Variants in UMAD1 observed in about 807,000 individuals in gnomAD.
The protein encoded by UMAD1 is UBAP1-MVB12-associated (UMA)-domain containing protein 1.
UMAD1 carries 8 observed loss-of-function variants against 6.1 expected under a neutral mutation model. The observed-to-expected ratio is 1.30, with a 90% CI of 0.76 to 2.35. The LOEUF (loss-of-function observed/expected upper bound fraction) is 2.35, where lower values mean the gene tolerates loss of function less well. UMAD1 is among the 30% of genes most tolerant of loss of function. The pLI, the probability that UMAD1 is intolerant of heterozygous loss-of-function variation, is 0.00. For missense variants in UMAD1, 130 were observed against 78.4 expected (o/e 1.66, Z -2.49); for synonymous variants, 56 against 31.4 (o/e 1.78, Z -2.61).
At chr7:7,741,985 T>G (rs1049547261) in intron 2 of UMAD1, 8 of 278,184 alleles carry the variant, frequency 2.9e-5, no homozygotes, top group Non-Finnish European at 5.6e-5. Context: ...CAACTGCCTC[T>G]GAAAAATTTT....
chr7:7,841,963 T>C (rs1783689646), intron 3 of UMAD1, among the ~76,000 whole-genome samples: 1 of 152,324 alleles, frequency 6.6e-6, no homozygotes, highest in East Asian at 1.9e-4. Flanking sequence ...TACACTTTTC[T>C]CCATGGCCCT....
chr7:7,783,225 C>G (rs1782386650), intron 2 of UMAD1, among the ~76,000 whole-genome samples: 1 of 152,168 alleles, frequency 6.6e-6, no homozygotes, highest in Non-Finnish European at 1.5e-5. Context: ...TAGGTCAGAT[C>G]AATTACAGAT....
At chr7:7,868,537 G>C (rs2115338512) in intron 3 of UMAD1, 1 of 148,548 alleles carries the variant, frequency 6.7e-6, no homozygotes, top group African/African-American at 2.5e-5. Flanking sequence ...CAAGCAGGTA[G>C]AAATATTGAA....
chr7:7,877,872 C>T lies in UMAD1; in HGVS notation c.*334C>T. 3 of 247,070 alleles carry T rather than the reference C, an allele frequency of 1.2e-5. No individual in the cohort carries two copies. In the South Asian group the frequency reaches 1.8e-4, roughly 15 times the overall value. 15.3% of individuals were successfully genotyped at this position (247,070 alleles called of 1,614,324 possible). On this transcript the variant is annotated 3_prime_UTR_variant, in exon 4 of 4. Coordinates refer to ENST00000682710, the MANE Select transcript of UMAD1 (RefSeq NM_001302348.2). ...TGTGAAAAAGAATTGTGGCATTTTT[C>T]AGTCACTACAGCTCCGAAGTCTGAG...
At chr7:7,672,610 G>A (rs867688170) in intron 1 of UMAD1, among the ~76,000 whole-genome samples, 1 of 152,174 alleles carries the variant, frequency 6.6e-6, no homozygotes, top group Non-Finnish European at 1.5e-5. Flanking sequence ...TAGTGAGTGA[G>A]TTCTCATGAG....
chr7:7,856,124 CA>C (rs761626683), intron 3 of UMAD1, among the ~76,000 whole-genome samples: 5 of 152,212 alleles, frequency 3.3e-5, no homozygotes, highest in Non-Finnish European at 7.3e-5. Context: ...CTGAGTCCTC[CA>C]AACTGTTCCA....
chr7:7,785,014 A>G (rs1345569355), intron 2 of UMAD1, among the ~76,000 whole-genome samples: 1 of 151,996 alleles, frequency 6.6e-6, no homozygotes, highest in East Asian at 1.9e-4. Context: ...TGTGTTGGAG[A>G]TTTCGTGGCA....
At chr7:7,717,060 CTT>C (rs766644906) in intron 2 of UMAD1, among the ~76,000 whole-genome samples, 10 of 141,580 alleles carry the variant, frequency 7.1e-5, no homozygotes, top group Admixed American at 7.0e-5. Context: ...TTCTTTTTTT[CTT>C]TTTTTTTTTT....
chr7:7,873,992 G>A (rs917576660), intron 3 of UMAD1, among the ~76,000 whole-genome samples: 1 of 152,046 alleles, frequency 6.6e-6, no homozygotes, highest in Non-Finnish European at 1.5e-5. Flanking sequence ...CCTACTAACA[G>A]CTCCACCTGA....
rs941177073 is a variant in UMAD1, at chr7:7,796,759, C to T, written c.83-4911C>T. Among the ~76,000 whole-genome samples the T allele has an allele frequency of 1.3e-5, 2 of 152,116 alleles. 1 individual carries two copies. Among genetic ancestry groups the T allele is most frequent in the South Asian group, 4.1e-4 (2 of 4,820 alleles). ...CAGTTTAAAGACCCCCACAGAGGAA[C>T]CAAATCAGCAAGAGAATACCGTTTC... On this transcript the variant is annotated intron_variant, in intron 2 of 3. Coordinates refer to ENST00000682710, the MANE Select transcript of UMAD1 (RefSeq NM_001302348.2).
intron 2 of UMAD1, among the ~76,000 whole-genome samples, chr7:7,757,890 G>A (rs145217487): frequency 6.9e-4 from 105 of 152,226 alleles, no homozygotes; most frequent in African/African-American, 2.4e-3. Flanking sequence ...GCCGCAGCAG[G>A]GTTCTGTGTT....
intron 2 of UMAD1, among the ~76,000 whole-genome samples, chr7:7,677,710 G>T: frequency 8.7e-6 from 1 of 114,864 alleles, no homozygotes; most frequent in Admixed American, 1.2e-4. Flanking sequence ...GTCTCGCTCT[G>T]TCGCCCAGGC....
intron 3 of UMAD1, among the ~76,000 whole-genome samples, chr7:7,810,274 C>G (rs1203720216): frequency 6.6e-6 from 1 of 151,990 alleles, no homozygotes; most frequent in Non-Finnish European, 1.5e-5. Flanking sequence ...ATTGGTACAA[C>G]TATTCTTGGA....
At chr7:7,875,534 A>C (rs954510183) in intron 3 of UMAD1, among the ~76,000 whole-genome samples, 2 of 152,224 alleles carry the variant, frequency 1.3e-5, no homozygotes, top group African/African-American at 4.8e-5. Context: ...CAGAAATACA[A>C]ACTACCATCA....
intron 2 of UMAD1, among the ~76,000 whole-genome samples, chr7:7,751,317 GC>G: frequency 6.6e-6 from 1 of 152,160 alleles, no homozygotes. Context: ...TTAAAATAGG[GC>G]TAAAGTTAAA....
intron 2 of UMAD1, among the ~76,000 whole-genome samples, chr7:7,727,069 A>AG (rs1563158658): frequency 6.6e-6 from 1 of 152,084 alleles, no homozygotes; most frequent in East Asian, 1.9e-4. Context: ...CTGGAAAAAA[A>AG]CCCATGACCT....
intron 2 of UMAD1, among the ~76,000 whole-genome samples, chr7:7,709,969 G>C (rs1354263122): frequency 6.6e-6 from 1 of 151,940 alleles, no homozygotes; most frequent in African/African-American, 2.4e-5. Context: ...TTTTTAAATA[G>C]TGTTAACATA....
chr7:7,789,003 A>T (rs899197786), intron 2 of UMAD1, among the ~76,000 whole-genome samples: 6 of 152,204 alleles, frequency 3.9e-5, no homozygotes, highest in Non-Finnish European at 8.8e-5. Context: ...TTTTGTAACT[A>T]GCAGTTTACA....
At chr7:7,837,765 A>G (rs1322115330) in intron 3 of UMAD1, among the ~76,000 whole-genome samples, 1 of 152,160 alleles carries the variant, frequency 6.6e-6, no homozygotes. Flanking sequence ...TCCTGTTAAA[A>G]AGCACAGTTT....
Sources: gnomAD v4.1 joint callset for allele counts (sites outside exome capture counted in the v4.1 genomes callset) on GRCh38, gnomAD v4.1.1 for gene constraint, MANE v1.5 for transcripts, NCBI Gene and HGNC (gene_info 2026-07-23, HGNC 2026-07-21) for gene names.